Variants in CNTN4 observed in about 807,000 individuals in gnomAD.
The protein encoded by CNTN4 is contactin 4.
CNTN4 carries 77 observed loss-of-function variants against 122.5 expected under a neutral mutation model. The observed-to-expected ratio is 0.63, with a 90% CI of 0.52 to 0.76. The LOEUF (loss-of-function observed/expected upper bound fraction) is 0.76. Ranked by LOEUF, CNTN4 falls within the 30% of genes least tolerant of loss-of-function variation. The pLI is 0.00. For missense variants in CNTN4, 1,256 were observed against 1,259.1 expected (o/e 1.00, Z 0.04); for synonymous variants, 512 against 447.0 (o/e 1.15, Z -1.83).
intron 3 of CNTN4, among the ~76,000 whole-genome samples, chr3:2,388,780 G>A (rs1163845800): frequency 1.3e-5 from 2 of 150,996 alleles, no homozygotes; most frequent in African/African-American, 4.9e-5. Context: ...GGGAGGTAGA[G>A]GTTGCAGTGA....
chr3:2,571,836 G>A (rs2079434390), intron 4 of CNTN4, among the ~76,000 whole-genome samples: 1 of 145,504 alleles, frequency 6.9e-6, no homozygotes, highest in South Asian at 2.5e-4. Flanking sequence ...TGTTATTTTT[G>A]CTCATCCCAG....
intron 3 of CNTN4, among the ~76,000 whole-genome samples, chr3:2,460,793 A>C (rs2049176490): frequency 1.3e-5 from 2 of 152,178 alleles, no homozygotes; most frequent in Admixed American, 6.6e-5. Context: ...CAGGGATGGC[A>C]ACTTTGGTTT....
intron 4 of CNTN4, among the ~76,000 whole-genome samples, chr3:2,592,974 T>C (rs947775423): frequency 9.9e-5 from 15 of 152,200 alleles, no homozygotes; most frequent in African/African-American, 3.4e-4. Flanking sequence ...AAAAGCAGTG[T>C]CAGAATGGGA....
At chr3:2,104,567 A>C (rs1253993869) in intron 2 of CNTN4, among the ~76,000 whole-genome samples, 1 of 152,028 alleles carries the variant, frequency 6.6e-6, no homozygotes, top group Admixed American at 6.6e-5. Flanking sequence ...CAAGATACAG[A>C]GTGTGAGGAG....
intron 3 of CNTN4, among the ~76,000 whole-genome samples, chr3:2,519,057 C>T (rs1056073517): frequency 1.3e-5 from 2 of 152,140 alleles, no homozygotes; most frequent in Non-Finnish European, 2.9e-5. Context: ...TTGGTTTTGA[C>T]TCCCTGTCTC....
At chr3:2,790,601 G>A (rs927746167) in intron 6 of CNTN4, among the ~76,000 whole-genome samples, 2 of 152,128 alleles carry the variant, frequency 1.3e-5, no homozygotes, top group Admixed American at 6.5e-5. Context: ...AGGCAAATCA[G>A]CCACCAAGTC....
intron 2 of CNTN4, among the ~76,000 whole-genome samples, chr3:2,118,088 A>G (rs1435866463): frequency 6.6e-6 from 1 of 152,258 alleles, no homozygotes; most frequent in Non-Finnish European, 1.5e-5. Flanking sequence ...TTGAACATTT[A>G]TAATGTACCA....
rs369550200 is a variant in CNTN4 at position 2,170,101 on chromosome 3, C to T, written c.-145+69462C>T. On this transcript the variant is annotated intron_variant, in intron 2 of 24. Transcript: ENST00000418658. ...CTTTGGGAGGCCGAGGCGGGAGGAT[C>T]ACAAGGTCAGGAGATCGAGACCATC... Among the ~76,000 whole-genome samples the T allele has an allele frequency of 5.6e-4, 85 of 151,852 alleles. No individual in the cohort carries two copies. The East Asian group carries it at 0.015, about 26-fold the overall frequency.
At chr3:2,460,914 A>C (rs2049182000) in intron 3 of CNTN4, among the ~76,000 whole-genome samples, 1 of 152,102 alleles carries the variant, frequency 6.6e-6, no homozygotes, top group Admixed American at 6.5e-5. Flanking sequence ...TGTAGCTTCC[A>C]GTTATGGAAG....
intron 3 of CNTN4, among the ~76,000 whole-genome samples, chr3:2,526,390 C>T (rs2077399318): frequency 6.6e-6 from 1 of 152,064 alleles, no homozygotes; most frequent in African/African-American, 2.4e-5. Context: ...CTAAAATTCT[C>T]CTGCTTGGAA....
chr3:2,848,326 A>T (rs1426296078), intron 7 of CNTN4, among the ~76,000 whole-genome samples: 1 of 152,222 alleles, frequency 6.6e-6, no homozygotes, highest in African/African-American at 2.4e-5. Context: ...GGAAGAATTA[A>T]AGCAGAGATT....
intron 3 of CNTN4, among the ~76,000 whole-genome samples, chr3:2,368,321 A>G (rs571967716): frequency 6.6e-6 from 1 of 152,032 alleles, no homozygotes; most frequent in Admixed American, 6.5e-5. Flanking sequence ...CGTGAGCCAC[A>G]GAGCCTGGCC....
intron 3 of CNTN4, among the ~76,000 whole-genome samples, chr3:2,481,121 C>G (rs1238355907): frequency 7.0e-6 from 1 of 142,146 alleles, no homozygotes; most frequent in Non-Finnish European, 1.5e-5. Context: ...TTCTCTCTTT[C>G]TCCCTCTTTC....
At chr3:2,614,789 T>A (rs2081643588) in intron 4 of CNTN4, among the ~76,000 whole-genome samples, 1 of 152,022 alleles carries the variant, frequency 6.6e-6, no homozygotes. Flanking sequence ...AACAGTTGGA[T>A]ACATCAGCCT....
chr3:2,688,084 T>TA (rs1347968228), intron 4 of CNTN4, among the ~76,000 whole-genome samples: 7 of 152,202 alleles, frequency 4.6e-5, no homozygotes, highest in African/African-American at 1.7e-4. Context: ...CAACAAAAGA[T>TA]AAAAAATAAA....
At chr3:2,872,583 T>G (rs1034108107) in intron 8 of CNTN4, among the ~76,000 whole-genome samples, 1 of 152,162 alleles carries the variant, frequency 6.6e-6, no homozygotes, top group African/African-American at 2.4e-5. Context: ...TTGTTAAATA[T>G]TTTTGAATAT....
intron 4 of CNTN4, among the ~76,000 whole-genome samples, chr3:2,630,773 G>T (rs539298602): frequency 6.6e-6 from 1 of 151,708 alleles, no homozygotes; most frequent in Non-Finnish European, 1.5e-5. Flanking sequence ...AGGATTTGTT[G>T]AGTAGCGTTC....
At chr3:2,549,722 T>A (rs2078402668) in intron 3 of CNTN4, among the ~76,000 whole-genome samples, 1 of 152,148 alleles carries the variant, frequency 6.6e-6, no homozygotes, top group South Asian at 2.1e-4. Flanking sequence ...ATAAAATGAG[T>A]TAGGGAGGAG....
rs1281779287 is a variant in CNTN4, at chr3:2,516,718, A to G, written c.-88-54698A>G. ...ATGGGGTGATTTAAAATTGAGAGGA[A>G]CACATCAGAAGGAGCTGCAAAGGAA... On this transcript the variant is annotated intron_variant, in intron 3 of 24. Transcript: ENST00000418658. Among the ~76,000 whole-genome samples the G allele has an allele frequency of 2.0e-5, 3 of 152,136 alleles. No individual in the cohort carries two copies. In the East Asian group the frequency reaches 5.8e-4, roughly 29 times the overall value.
Sources: gnomAD v4.1 joint callset for allele counts (sites outside exome capture counted in the v4.1 genomes callset) on GRCh38, gnomAD v4.1.1 for gene constraint, MANE v1.5 for transcripts, NCBI Gene and HGNC (gene_info 2026-07-23, HGNC 2026-07-21) for gene names.